Variants in ZNF385D observed in about 807,000 individuals in gnomAD.
The protein encoded by ZNF385D is zinc finger protein 659.
In ZNF385D, 15 loss-of-function variants were observed where a neutral mutation model predicts 35.8. The observed-to-expected ratio is 0.42, with a 90% CI of 0.28 to 0.64. The LOEUF is 0.64. Among genes scored for constraint, ZNF385D ranks in the 30% least tolerant of loss-of-function variants. The pLI is 0.23. For missense variants in ZNF385D, 474 were observed against 494.6 expected, an observed-to-expected ratio of 0.96 and a Z score of 0.39; for synonymous variants, 212 against 186.8, an observed-to-expected ratio of 1.13 and a Z score of -1.10.
chr3:22,066,607 G>C (rs1027266085), intron 3 of ZNF385D, among the ~76,000 whole-genome samples: 1 of 145,110 alleles, frequency 6.9e-6, no homozygotes, highest in African/African-American at 2.5e-5. Context: ...GGGTGAGATG[G>C]TTCCCTATCT....
At chr3:21,852,271 G>A (rs535302309) in intron 3 of ZNF385D, among the ~76,000 whole-genome samples, 5 of 151,864 alleles carry the variant, frequency 3.3e-5, no homozygotes, top group African/African-American at 4.8e-5. Context: ...TAAGGAATAA[G>A]ATTCCTTATT....
Position 22,237,256 on chromosome 3 carries a change from T to C in ZNF385D, c.107-68221A>G, listed in dbSNP as rs553042757. ...AGTAATATTTTATAATAGTACTGAC[T>C]TCCATTTACCTAATTTTAAATGAGT... On this transcript the variant is annotated intron_variant, in intron 2 of 5. Transcript: ENST00000494108. Among the ~76,000 whole-genome samples the C allele has an allele frequency of 3.3e-5, 5 of 152,304 alleles. No homozygotes were observed. The East Asian group carries it at 9.6e-4, about 29-fold the overall frequency.
chr3:21,822,363 C>T (rs1010862151), intron 3 of ZNF385D, among the ~76,000 whole-genome samples: 2 of 152,070 alleles, frequency 1.3e-5, no homozygotes, highest in Admixed American at 6.5e-5. Context: ...TGAATCACCG[C>T]GCCCAGCCTG....
chr3:21,564,818 C>G (rs1404050205), intron 2 of ZNF385D, 134 bp from the exon 3 acceptor site: 2 of 420,634 alleles, frequency 4.8e-6, no homozygotes, highest in African/African-American at 2.0e-5. Flanking sequence ...CCTTTTTATT[C>G]TAAGAAACAA....
chr3:21,865,164 C>T (rs1012077381), intron 3 of ZNF385D, among the ~76,000 whole-genome samples: 1 of 142,992 alleles, frequency 7.0e-6, no homozygotes. Flanking sequence ...TAAGATAAGG[C>T]TATAATAGAA....
intron 2 of ZNF385D, among the ~76,000 whole-genome samples, chr3:22,180,127 T>C (rs1264724840): frequency 6.6e-5 from 10 of 152,106 alleles, no homozygotes; most frequent in Admixed American, 6.5e-4. Context: ...CCCACAGAAA[T>C]ACAAACTACC....
intron 2 of ZNF385D, among the ~76,000 whole-genome samples, chr3:22,315,341 GAAGTTGGTTTATT>G (rs1266392602): frequency 6.6e-6 from 1 of 152,138 alleles, no homozygotes; most frequent in African/African-American, 2.4e-5. Flanking sequence ...TGAACATGGA[GAAGTTGGTTTATT>G]AAGAGATACA....
intron 2 of ZNF385D, among the ~76,000 whole-genome samples, chr3:22,348,483 A>C (rs2125492154): frequency 9.3e-6 from 1 of 107,798 alleles, no homozygotes; most frequent in South Asian, 2.8e-4. Context: ...CTCCATCTCT[A>C]CTAAAAAAAA....
intron 3 of ZNF385D, among the ~76,000 whole-genome samples, chr3:22,000,532 C>T (rs190745446): frequency 2.0e-5 from 3 of 152,084 alleles, no homozygotes; most frequent in Admixed American, 2.0e-4. Context: ...ACCAACAGCC[C>T]TTGGGGGTTG....
At chr3:22,160,244 T>C (rs1002823249) in intron 3 of ZNF385D, among the ~76,000 whole-genome samples, 1 of 152,088 alleles carries the variant, frequency 6.6e-6, no homozygotes, top group East Asian at 1.9e-4. Flanking sequence ...TATACTGATA[T>C]AGATAAGGTA....
intron 3 of ZNF385D, among the ~76,000 whole-genome samples, chr3:22,106,462 C>G (rs1253275726): frequency 1.3e-5 from 2 of 152,114 alleles, no homozygotes; most frequent in Admixed American, 6.6e-5. Flanking sequence ...GACTGGGCAG[C>G]CTTTTAGGAC....
At chr3:22,068,534 T>C (rs182369854) in intron 3 of ZNF385D, among the ~76,000 whole-genome samples, 2 of 152,332 alleles carry the variant, frequency 1.3e-5, no homozygotes, top group East Asian at 3.9e-4. Context: ...CTTTTTATTA[T>C]ATTCTTTTGA....
At chr3:21,681,239 T>G (rs571784570) in intron 1 of ZNF385D, among the ~76,000 whole-genome samples, 1 of 145,612 alleles carries the variant, frequency 6.9e-6, no homozygotes, top group Non-Finnish European at 1.5e-5. Flanking sequence ...ACAAAAAAAA[T>G]TATTTTTATT....
chr3:22,320,708 G>A (rs1322153880), intron 2 of ZNF385D, among the ~76,000 whole-genome samples: 2 of 150,292 alleles, frequency 1.3e-5, no homozygotes, highest in African/African-American at 4.9e-5. Context: ...TTTTTAACAT[G>A]TCTACTTTCT....
chr3:21,913,043 G>T (rs1374292090), intron 3 of ZNF385D, among the ~76,000 whole-genome samples: 3 of 152,042 alleles, frequency 2.0e-5, no homozygotes, highest in Admixed American at 1.3e-4. Flanking sequence ...TGGGATCAGG[G>T]TATGATCACT....
chr3:22,070,029 C>T (rs1165368385), intron 3 of ZNF385D, among the ~76,000 whole-genome samples: 1 of 152,116 alleles, frequency 6.6e-6, no homozygotes, highest in Non-Finnish European at 1.5e-5. Context: ...TTTAGTGTCA[C>T]TAACTGTCTA....
chr3:21,962,525 T>C (rs1702653975), intron 3 of ZNF385D, among the ~76,000 whole-genome samples: 3 of 152,206 alleles, frequency 2.0e-5, no homozygotes, highest in African/African-American at 7.2e-5. Context: ...TGGTCTGCAT[T>C]TTAAAAGCTT....
chr3:21,750,377 A>T (rs1288418063), intron 1 of ZNF385D, among the ~76,000 whole-genome samples: 3 of 152,226 alleles, frequency 2.0e-5, no homozygotes, highest in Non-Finnish European at 4.4e-5. Flanking sequence ...TCCTAGCTAG[A>T]CAGAGCACTG....
chr3:22,267,170 A>C (rs1239129670), intron 2 of ZNF385D, among the ~76,000 whole-genome samples: 3 of 151,940 alleles, frequency 2.0e-5, no homozygotes, highest in African/African-American at 7.2e-5. Flanking sequence ...AACTTGCATC[A>C]AACATCTATG....
Sources: allele counts gnomAD v4.1 joint callset (sites outside exome capture counted in the v4.1 genomes callset), GRCh38; gene constraint gnomAD v4.1.1; transcripts MANE v1.5; gene names NCBI Gene and HGNC (gene_info 2026-07-23, HGNC 2026-07-21).